The following ESPNL variants were observed in gnomAD, a reference collection of about 807,000 sequenced individuals.
The protein encoded by ESPNL is espin-like protein.
In ESPNL, 49 loss-of-function variants were observed where a neutral mutation model predicts 46.8. The ratio of observed to expected loss-of-function variants is 1.05; its 90% CI spans 0.83 to 1.33. The LOEUF is 1.33. ESPNL is among the 40% of genes most tolerant of loss of function. ESPNL has a pLI of 0.00. For synonymous variants in ESPNL, 664 were observed against 662.1 expected, an observed-to-expected ratio of 1.00 and a Z score of -0.04; for missense variants, 1,540 against 1,436.6, an observed-to-expected ratio of 1.07 and a Z score of -1.16.
intron 5 of ESPNL, among the ~76,000 whole-genome samples, chr2:238,122,179 C>T (rs1431343907): frequency 6.6e-6 from 1 of 152,238 alleles, no homozygotes; most frequent in African/African-American, 2.4e-5. Context: ...GTTAAGACCC[C>T]AACGGACAGG....
Position 238,127,637 on chromosome 2 carries a change from CGGCCT to C in ESPNL, c.1128_1132del (p.Gly377SerfsTer2). The stretch of plus-strand genomic sequence containing the variant: ...TTCTTGGCAGCCATGTCCCTCAGCC[CGGCCT>C]GGCCTGGCCATCCTGACCAGCCTCT... On this transcript the variant is annotated frameshift_variant, in exon 7 of 9. Transcript: ENST00000343063. LOFTEE classifies it high-confidence loss of function. 6.2e-7 allele frequency: 1 copy of C among 1,607,730 alleles called. No individual in the cohort carries two copies. The highest frequency in any genetic ancestry group is 8.5e-7 in the Non-Finnish European group (1 of 1,177,608).
chr2:238,103,461 TA>T (rs1691529776), intron 2 of ESPNL, among the ~76,000 whole-genome samples: 1 of 151,868 alleles, frequency 6.6e-6, no homozygotes, highest in Non-Finnish European at 1.5e-5. Flanking sequence ...GGCTTCATGT[TA>T]ATATGCACAC....
Position 238,131,601 on chromosome 2 carries a change from C to A in ESPNL, c.2887C>A (p.Pro963Thr), listed in dbSNP as rs764322632. 1 of 1,611,754 alleles carries A rather than the reference C, an allele frequency of 6.2e-7. No homozygotes were observed. Among genetic ancestry groups the A allele is most frequent in the Admixed American group, 1.7e-5 (1 of 59,986 alleles). The change falls in exon 9 of 9, where the codon CCC (proline) becomes ACC (threonine). Residue 963 changes from proline (P) to threonine (T), a missense_variant. Coordinates refer to ENST00000343063, the MANE Select transcript of ESPNL (RefSeq NM_194312.4). Reference sequence around the variant, plus strand: ...CGCCGTCCCCTGCAGCGGCCCTGAGCCCACAGCACAGCGGCTGGGGTCCCG... The same window carrying A: ...CGCCGTCCCCTGCAGCGGCCCTGAGACCACAGCACAGCGGCTGGGGTCCCG... ...HAAVPCSGPEPTAQRLGSRSQ... is the reference protein window; with the variant it reads ...HAAVPCSGPETTAQRLGSRSQ...
In ESPNL at chr2:238,100,693, G is replaced by A. The variant is rs750519684; in HGVS notation, c.274G>A (p.Glu92Lys). 1.2e-4 allele frequency: 170 copies of A among 1,429,674 alleles called. No homozygotes were observed. Among genetic ancestry groups the A allele is most frequent in the Non-Finnish European group, 1.4e-4 (155 of 1,101,508 alleles). 88.6% of individuals were successfully genotyped at this position (1,429,674 alleles called of 1,614,324 possible). Residue 92 changes from glutamate (E) to lysine (K), a missense_variant, in exon 1 of 9, where the codon GAG becomes AAG. Transcript: ENST00000343063. Reference sequence around the variant, plus strand: ...GGCCGAGCTGTGCTGGCTGGTCCGCGAGGGGGGCTGCGGTCTGCAGGTGAG... The same window carrying A: ...GGCCGAGCTGTGCTGGCTGGTCCGCAAGGGGGGCTGCGGTCTGCAGGTGAG... Reference protein sequence around the residue: ...SLAELCWLVREGGCGLQDQDA... With the variant: ...SLAELCWLVRKGGCGLQDQDA...
intron 1 of ESPNL, 28 bp from the exon 2 acceptor site, chr2:238,101,895 CCTCACGGCCTACCCCCCA>C: frequency 1.4e-6 from 2 of 1,478,946 alleles, no homozygotes; most frequent in African/African-American, 2.8e-5. Flanking sequence ...CTGGCTCTGA[CCTCACGGCCTACCCCCCA>C]CTCACTGACC....
intron 6 of ESPNL, chr2:238,127,404 G>C (rs973742571): frequency 3.0e-6 from 4 of 1,325,286 alleles, no homozygotes; most frequent in Non-Finnish European, 3.8e-6. Context: ...TGTGCCGCAG[G>C]CTCTCCCATC....
Position 238,104,757 on chromosome 2 carries a change from C to G in ESPNL, c.587C>G (p.Ala196Gly), listed in dbSNP as rs1691558312. 1 of 1,605,888 alleles carries G rather than the reference C, an allele frequency of 6.2e-7. No individual in the cohort carries two copies. Among genetic ancestry groups the G allele is most frequent in the Non-Finnish European group, 8.5e-7 (1 of 1,177,690 alleles). Residue 196 changes from alanine (A) to glycine (G), a missense_variant, in exon 3 of 9, where the codon GCT (alanine) becomes GGT (glycine). Transcript: ENST00000343063. ...LAQFLVKDCG[A>G]DVHLRALDGM... The stretch of plus-strand genomic sequence containing the variant: ...CAGTTCCTGGTGAAGGACTGTGGCG[C>G]TGACGTGCACCTTCGTGCTCTCGAT...
Position 238,100,528 on chromosome 2 carries a change from G to A in ESPNL, c.109G>A (p.Ala37Thr), listed in dbSNP as rs1691441584. ...LGPGITDALGAGLVHHATRAG... is the reference protein window; with the variant it reads ...LGPGITDALGTGLVHHATRAG... The stretch of plus-strand genomic sequence containing the variant: ...CCCGGGCATCACCGATGCTCTGGGG[G>A]CCGGCCTGGTTCACCACGCCACCCG... The change falls in exon 1 of 9, where the codon GCC becomes ACC. Residue 37 changes from alanine (A) to threonine (T), a missense_variant. Ala to Thr is a moderately conservative substitution (Grantham distance 58). Transcript: ENST00000343063. 1.3e-6 allele frequency: 2 copies of A among 1,595,204 alleles called. No individual in the cohort carries two copies. The highest frequency in any genetic ancestry group is 2.3e-5 in the South Asian group (2 of 88,210).
rs1225179557 is a variant in ESPNL at position 238,114,820 on chromosome 2, G to A, written c.856-2083G>A. On this transcript the variant is annotated intron_variant, in intron 4 of 8. Transcript: ENST00000343063. This position sits in a 1 kb window ranked among gnomAD's most constrained non-coding sequence, Gnocchi z 5.0. ...CAGTGCCCACAAATAAAGCCTTGTGGGCACCCGGCCACGCTATGGGTGGCA... is the reference window on the plus strand; with the variant it reads ...CAGTGCCCACAAATAAAGCCTTGTGAGCACCCGGCCACGCTATGGGTGGCA... 6.6e-6 allele frequency among the ~76,000 whole-genome samples: 1 copy of A among 152,216 alleles called. No individual in the cohort carries two copies. Among genetic ancestry groups the A allele is most frequent in the Non-Finnish European group, 1.5e-5 (1 of 68,030 alleles).
chr2:238,116,049 A>T (rs1014468973), intron 4 of ESPNL, among the ~76,000 whole-genome samples: 19 of 152,238 alleles, frequency 1.2e-4, no homozygotes, highest in Admixed American at 1.2e-3. Flanking sequence ...TATCTCAGAG[A>T]TACATTTGGG....
rs1692374000 is a variant in ESPNL, at chr2:238,132,854, C to G, written c.*1122C>G. The G allele has an allele frequency of 6.6e-6, 1 of 152,420 alleles. No individual in the cohort carries two copies. The highest frequency in any genetic ancestry group is 2.4e-5 in the African/African-American group (1 of 41,458). 9.4% of individuals were successfully genotyped at this position (152,420 alleles called of 1,614,324 possible). On this transcript the variant is annotated 3_prime_UTR_variant, in exon 9 of 9. Coordinates refer to ENST00000343063, the MANE Select transcript of ESPNL (RefSeq NM_194312.4). The stretch of plus-strand genomic sequence containing the variant: ...GTGGGGCTCTGCAGCTGTGAGATGG[C>G]CCAGCAGGGAGTGGCAGGGACGGGA...
chr2:238,124,615 G>GA, intron 5 of ESPNL, among the ~76,000 whole-genome samples: 2 of 151,150 alleles, frequency 1.3e-5, no homozygotes, highest in African/African-American at 4.9e-5. Flanking sequence ...GTGTGCAGGA[G>GA]GGTACATGCG....
chr2:238,115,368 G>A (rs977139652), intron 4 of ESPNL, among the ~76,000 whole-genome samples: 9 of 152,318 alleles, frequency 5.9e-5, no homozygotes, highest in Non-Finnish European at 1.3e-4. Flanking sequence ...AGGGGCCGGG[G>A]CAAGGGAGGC....
chr2:238,126,380 TTGTG>T lies in ESPNL; in HGVS notation c.1102+1000_1102+1003del, dbSNP rs200580948. Reference sequence around the variant, plus strand: ...ATTGTGTCTGTGTGTGTCTTTGTGATTGTGTGTCTCTGTATGATTATGCCTGTGT... The same window carrying T: ...ATTGTGTCTGTGTGTGTCTTTGTGATTGTCTCTGTATGATTATGCCTGTGT... On this transcript the variant is annotated intron_variant, in intron 6 of 8. Transcript: ENST00000343063. 6.8e-5 allele frequency among the ~76,000 whole-genome samples: 10 copies of T among 146,472 alleles called. No individual in the cohort carries two copies. In the East Asian group the frequency reaches 1.9e-3, roughly 28 times the overall value.
intron 4 of ESPNL, among the ~76,000 whole-genome samples, chr2:238,108,486 T>G (rs1691651264): frequency 6.6e-6 from 1 of 152,196 alleles, no homozygotes; most frequent in African/African-American, 2.4e-5. Context: ...CATCAGCTGC[T>G]GGCCCTGCCC....
chr2:238,113,357 T>C (rs1691752326), intron 4 of ESPNL, among the ~76,000 whole-genome samples: 1 of 152,204 alleles, frequency 6.6e-6, no homozygotes, highest in Non-Finnish European at 1.5e-5. Flanking sequence ...TAATTACTAA[T>C]GTTTAGGGGT....
intron 1 of ESPNL, among the ~76,000 whole-genome samples, chr2:238,101,338 G>A (rs545145384): frequency 1.3e-3 from 193 of 152,320 alleles, no homozygotes; most frequent in Middle Eastern, 3.4e-3. Context: ...ACTGCGGAGC[G>A]GGAAGGTTCC....
rs1691777153 is a variant in ESPNL at position 238,114,606 on chromosome 2, C to T, written c.856-2297C>T. On this transcript the variant is annotated intron_variant, in intron 4 of 8. Coordinates refer to ENST00000343063, the MANE Select transcript of ESPNL (RefSeq NM_194312.4). This position sits in a 1 kb window ranked among gnomAD's most constrained non-coding sequence, Gnocchi z 5.0. ...AGCCACACCAGCCACTGGCTCAGCC[C>T]TTCTGGGCCTCCAGGAGCCTTCAGG... is the stretch of plus-strand genomic sequence containing the variant. 1.3e-5 allele frequency among the ~76,000 whole-genome samples: 2 copies of T among 152,216 alleles called. No homozygotes were observed. Among genetic ancestry groups the T allele is most frequent in the African/African-American group, 4.8e-5 (2 of 41,466 alleles).
chr2:238,129,098 A>G (rs1403655053), intron 8 of ESPNL, 194 bp downstream of exon 8: 3 of 1,421,588 alleles, frequency 2.1e-6, no homozygotes, highest in African/African-American at 1.4e-5. Flanking sequence ...GAGCCCCTTC[A>G]CCTGCTCTGG....
Sources: gnomAD v4.1 joint callset for allele counts (sites outside exome capture counted in the v4.1 genomes callset) on GRCh38, gnomAD v4.1.1 for gene constraint, Gnocchi (gnomAD v3.1) non-coding constraint, MANE v1.5 for transcripts, NCBI Gene and HGNC (gene_info 2026-07-23, HGNC 2026-07-21) for gene names.